The following ZC2HC1B variants were observed in gnomAD, a reference collection of about 807,000 sequenced individuals.
ZC2HC1B encodes zinc finger C2HC-type containing 1B.
ZC2HC1B carries 36 observed loss-of-function variants against 31.0 expected under a neutral mutation model. The observed-to-expected ratio is 1.16, with a 90% confidence interval of 0.89 to 1.54. The LOEUF is 1.54. Among genes scored for constraint, ZC2HC1B ranks in the 40% most tolerant of loss-of-function variants. The pLI is 0.00. For missense variants in ZC2HC1B, 260 were observed against 268.6 expected (o/e 0.97, Z 0.22); for synonymous variants, 73 against 88.0 (o/e 0.83, Z 0.95).
At position 143,884,453 on chromosome 6, in the gene ZC2HC1B, GAC is replaced by G; in HGVS notation, c.90+90_90+91del. 7.9e-7 allele frequency: 1 copy of G among 1,267,106 alleles called. No homozygotes were observed. The highest frequency in any genetic ancestry group is 1.5e-5 in the South Asian group (1 of 67,048). The allele number at this position is 1,267,106 out of a possible 1,614,324, so 78.5% of individuals were successfully genotyped here. ...AGGAGGCGGCAGTGCAAAGATTAAA[GAC>G]AGATGTGGAGGGGAAGCAAGGGAAG... On this transcript the variant is annotated intron_variant, in intron 2 of 7. Coordinates refer to ENST00000237275, the MANE Select transcript of ZC2HC1B (RefSeq NM_001013623.3). The surrounding 1 kb of genome is among the most constrained non-coding windows in gnomAD (Gnocchi z 5.1).
Position 143,895,162 on chromosome 6 carries a change from G to T in ZC2HC1B, c.350-3390G>T, listed in dbSNP as rs976951785. Among the ~76,000 whole-genome samples, 6 of 151,860 alleles carry T rather than the reference G, an allele frequency of 4.0e-5. No homozygotes were observed. Among genetic ancestry groups the T allele is most frequent in the Non-Finnish European group, 8.8e-5 (6 of 67,986 alleles). ...GTTCTAGAGAATTTATTTGTTTTTT[G>T]TTGTTGTTGTTGTTTTTGAGACAGA... On this transcript the variant is annotated intron_variant, in intron 4 of 7. Transcript: ENST00000237275. The surrounding 1 kb of genome is among the most constrained non-coding windows in gnomAD (Gnocchi z 4.8).
At chr6:143,929,580 G>A (rs1306513307) in intron 6 of ZC2HC1B, among the ~76,000 whole-genome samples, 2 of 152,136 alleles carry the variant, frequency 1.3e-5, no homozygotes, top group African/African-American at 4.8e-5. Flanking sequence ...GTAGCAAAGT[G>A]ATACTTTGTA....
chr6:143,921,783 T>A lies in ZC2HC1B; in HGVS notation c.599-15866T>A, dbSNP rs1777987897. ...TGTCTCTACAAGAAAAATTTAAAAA[T>A]TTGCTACATGTGGTGGCACCCACTT... On this transcript the variant is annotated intron_variant, in intron 6 of 7. Transcript: ENST00000237275. This position sits in a 1 kb window ranked among gnomAD's most constrained non-coding sequence, Gnocchi z 6.1. 6.6e-6 allele frequency among the ~76,000 whole-genome samples: 1 copy of A among 152,084 alleles called. No individual in the cohort carries two copies. The highest frequency in any genetic ancestry group is 1.5e-5 in the Non-Finnish European group (1 of 68,008).
chr6:143,864,633 T>G, intron 1 of ZC2HC1B, 66 bp downstream of exon 1: 1 of 1,504,838 alleles, frequency 6.6e-7, no homozygotes, highest in East Asian at 2.5e-5. Context: ...ATTTATGGCT[T>G]TTCCAAAGCT....
At chr6:143,880,484 T>A (rs1208348008) in intron 1 of ZC2HC1B, among the ~76,000 whole-genome samples, 2 of 152,230 alleles carry the variant, frequency 1.3e-5, no homozygotes, top group Non-Finnish European at 2.9e-5. Flanking sequence ...GCCCTTCCAG[T>A]CTTTATTAGT....
chr6:143,889,460 A>G (rs184833859), intron 4 of ZC2HC1B, among the ~76,000 whole-genome samples: 4 of 152,246 alleles, frequency 2.6e-5, no homozygotes, highest in Non-Finnish European at 4.4e-5. Flanking sequence ...AGAAAAACAC[A>G]TTGATATAAA....
rs748517058 is a variant in ZC2HC1B, at chr6:143,915,825, G to T, written c.598+12673G>T. 2.0e-5 allele frequency among the ~76,000 whole-genome samples: 3 copies of T among 152,178 alleles called. No homozygotes were observed. Among genetic ancestry groups the T allele is most frequent in the African/African-American group, 2.4e-5 (1 of 41,448 alleles). On this transcript the variant is annotated intron_variant, in intron 6 of 7. Coordinates refer to ENST00000237275, the MANE Select transcript of ZC2HC1B (RefSeq NM_001013623.3). The surrounding 1 kb of genome is among the most constrained non-coding windows in gnomAD (Gnocchi z 5.2). ...CTAAGCAGCAAAGCATTCAATATGT[G>T]ACTTGGGTGCTGTTAAAGGCATTCA...
Position 143,895,332 on chromosome 6 carries a change from T to C in ZC2HC1B, c.350-3220T>C, listed in dbSNP as rs1777652942. 6.6e-6 allele frequency among the ~76,000 whole-genome samples: 1 copy of C among 152,076 alleles called. No individual in the cohort carries two copies. The highest frequency in any genetic ancestry group is 2.1e-4 in the South Asian group (1 of 4,828). On this transcript the variant is annotated intron_variant, in intron 4 of 7. Transcript: ENST00000237275. This position sits in a 1 kb window ranked among gnomAD's most constrained non-coding sequence, Gnocchi z 4.8. ...CGCCCGCCACCACGCCCAGCTGATT[T>C]CTGTATTTTTAGTAGAGATGGGGTT...
Position 143,903,034 on chromosome 6 carries a change from C to G in ZC2HC1B, c.490-10C>G, listed in dbSNP as rs747383675. 20 of 1,551,304 alleles carry G rather than the reference C, an allele frequency of 1.3e-5. No homozygotes were observed. The highest frequency in any genetic ancestry group is 1.7e-5 in the Non-Finnish European group (20 of 1,146,790). On this transcript the variant is annotated splice_polypyrimidine_tract_variant and intron_variant, in intron 5 of 7. Coordinates refer to ENST00000237275, the MANE Select transcript of ZC2HC1B (RefSeq NM_001013623.3). This position sits in a 1 kb window ranked among gnomAD's most constrained non-coding sequence, Gnocchi z 4.3. ...GTGTTCTCTTTGTCTCTTTCTTTCT[C>G]TCTCTGTAGGGTAGGGCTCAGATGG... is the stretch of plus-strand genomic sequence containing the variant.
chr6:143,869,403 G>A lies in ZC2HC1B; in HGVS notation c.28+4836G>A, dbSNP rs999546170. On this transcript the variant is annotated intron_variant, in intron 1 of 7. Coordinates refer to ENST00000237275, the MANE Select transcript of ZC2HC1B (RefSeq NM_001013623.3). This position sits in a 1 kb window ranked among gnomAD's most constrained non-coding sequence, Gnocchi z 5.2. ...CCGTTATATCAATCCAACTGCTTCA[G>A]GATGATGAAGAACATGGTGAGACCA... Among the ~76,000 whole-genome samples the A allele has an allele frequency of 8.5e-5, 13 of 152,198 alleles. No homozygotes were observed. The highest frequency in any genetic ancestry group is 3.1e-4 in the African/African-American group (13 of 41,438).
chr6:143,917,177 G>A lies in ZC2HC1B; in HGVS notation c.598+14025G>A, dbSNP rs1777929610. On this transcript the variant is annotated intron_variant, in intron 6 of 7. Coordinates refer to ENST00000237275, the MANE Select transcript of ZC2HC1B (RefSeq NM_001013623.3). This position sits in a 1 kb window ranked among gnomAD's most constrained non-coding sequence, Gnocchi z 4.1. ...CGACTTTAAAAAGAGGAGCTCCCCT[G>A]CACAAGCTCTCTGTTCTCTTGTCTG... is the stretch of plus-strand genomic sequence containing the variant. 6.6e-6 allele frequency among the ~76,000 whole-genome samples: 1 copy of A among 152,164 alleles called. No individual in the cohort carries two copies. The highest frequency in any genetic ancestry group is 2.4e-5 in the African/African-American group (1 of 41,438).
At chr6:143,936,380 A>T (rs1279712024) in intron 6 of ZC2HC1B, among the ~76,000 whole-genome samples, 1 of 152,228 alleles carries the variant, frequency 6.6e-6, no homozygotes, top group Non-Finnish European at 1.5e-5. Context: ...CAAGCTATTT[A>T]ATAGGAAGGA....
Position 143,895,622 on chromosome 6 carries a change from T to C in ZC2HC1B, c.350-2930T>C, listed in dbSNP as rs1317831461. 6.6e-6 allele frequency among the ~76,000 whole-genome samples: 1 copy of C among 152,222 alleles called. No individual in the cohort carries two copies. Among genetic ancestry groups the C allele is most frequent in the Non-Finnish European group, 1.5e-5 (1 of 68,042 alleles). ...ATATTCTACTTTTTAGTGACTTAGCTAAGTCTGTCAATGATTTAAATTTCT... is the reference window on the plus strand; with the variant it reads ...ATATTCTACTTTTTAGTGACTTAGCCAAGTCTGTCAATGATTTAAATTTCT... On this transcript the variant is annotated intron_variant, in intron 4 of 7. Coordinates refer to ENST00000237275, the MANE Select transcript of ZC2HC1B (RefSeq NM_001013623.3). The surrounding 1 kb of genome is among the most constrained non-coding windows in gnomAD (Gnocchi z 4.8).
At chr6:143,906,677 C>T (rs1027661903) in intron 6 of ZC2HC1B, among the ~76,000 whole-genome samples, 3 of 151,736 alleles carry the variant, frequency 2.0e-5, no homozygotes, top group Non-Finnish European at 4.4e-5. Flanking sequence ...ATTATGGCCT[C>T]AAGTGATCTT....
intron 6 of ZC2HC1B, among the ~76,000 whole-genome samples, chr6:143,935,487 C>CA (rs1261289041): frequency 6.6e-6 from 1 of 151,882 alleles, no homozygotes. Flanking sequence ...GTTTCTGTGG[C>CA]AGGGGTCAGG....
At chr6:143,892,184 G>A (rs1340438667) in intron 4 of ZC2HC1B, among the ~76,000 whole-genome samples, 1 of 152,106 alleles carries the variant, frequency 6.6e-6, no homozygotes, top group Non-Finnish European at 1.5e-5. Flanking sequence ...TGCTTCTCTC[G>A]AGGATCTCAG....
At chr6:143,935,483 G>C (rs1472069649) in intron 6 of ZC2HC1B, among the ~76,000 whole-genome samples, 1 of 152,144 alleles carries the variant, frequency 6.6e-6, no homozygotes, top group South Asian at 2.1e-4. Context: ...ATGGGTTTCT[G>C]TGGCAGGGGT....
At chr6:143,894,828 T>C (rs935560097) in intron 4 of ZC2HC1B, among the ~76,000 whole-genome samples, 5 of 152,220 alleles carry the variant, frequency 3.3e-5, no homozygotes, top group Non-Finnish European at 7.3e-5. Flanking sequence ...CCATGTCAGA[T>C]GTCCTGCTGT....
intron 6 of ZC2HC1B, among the ~76,000 whole-genome samples, chr6:143,910,380 C>T (rs1487117002): frequency 6.6e-6 from 1 of 152,168 alleles, no homozygotes. Context: ...TGTTTTACTT[C>T]TGATTATGTG....
Sources: gnomAD v4.1 joint callset for allele counts (sites outside exome capture counted in the v4.1 genomes callset) on GRCh38, gnomAD v4.1.1 for gene constraint, Gnocchi (gnomAD v3.1) non-coding constraint, MANE v1.5 for transcripts, NCBI Gene and HGNC (gene_info 2026-07-23, HGNC 2026-07-21) for gene names.